Variants in KCNQ5 observed in about 807,000 individuals in gnomAD.
The protein encoded by KCNQ5 is potassium voltage-gated channel subfamily KQT member 5.
KCNQ5 carries 30 observed loss-of-function variants against 98.2 expected under a neutral mutation model. That is an observed-to-expected ratio of 0.31 (90% CI 0.23 to 0.41). KCNQ5 has a LOEUF of 0.41. KCNQ5 is among the 10% of genes least tolerant of loss of function. The pLI, the probability that KCNQ5 is intolerant of heterozygous loss-of-function variation, is 1.00. For missense variants in KCNQ5, 835 were observed against 1,182.5 expected, an observed-to-expected ratio of 0.71 and a Z score of 4.31; for synonymous variants, 458 against 449.4, an observed-to-expected ratio of 1.02 and a Z score of -0.24.
intron 1 of KCNQ5, among the ~76,000 whole-genome samples, chr6:72,705,232 G>T (rs1370641538): frequency 3.9e-5 from 6 of 152,164 alleles, no homozygotes; most frequent in African/African-American, 4.8e-5. Context: ...TAGTCTAGTT[G>T]TGAGAACTGA....
chr6:72,698,432 A>G (rs1423845810), intron 1 of KCNQ5, among the ~76,000 whole-genome samples: 2 of 151,892 alleles, frequency 1.3e-5, no homozygotes, highest in East Asian at 3.9e-4. Flanking sequence ...CGAACTCCCA[A>G]CCTCAGATGA....
rs80074927 is a variant in KCNQ5, at chr6:73,181,304, C to A, written c.1578-9269C>A. Among the ~76,000 whole-genome samples the A allele has an allele frequency of 9.2e-4, 140 of 152,340 alleles. No homozygotes were observed. In the East Asian group the frequency reaches 0.022, roughly 24 times the overall value. ...AACCAACAGCATCAAAGGAGACTAA[C>A]CTTAGAGGTCTTTTGCTCTTTGCTG... On this transcript the variant is annotated intron_variant, in intron 11 of 13. Transcript: ENST00000370398.
chr6:72,753,400 C>A lies in KCNQ5; in HGVS notation c.398+130813C>A, dbSNP rs553480193. ...GGTTTGGTGATTATGAATGAAATTT[C>A]TATAAACAGTCTCAGATAGGTCTTT... On this transcript the variant is annotated intron_variant, in intron 1 of 13. Transcript: ENST00000370398. Among the ~76,000 whole-genome samples, 23 of 152,164 alleles carry A rather than the reference C, an allele frequency of 1.5e-4. No homozygotes were observed. The East Asian group carries it at 4.4e-3, about 29-fold the overall frequency.
At chr6:72,770,918 T>C (rs1772837941) in intron 1 of KCNQ5, among the ~76,000 whole-genome samples, 1 of 152,152 alleles carries the variant, frequency 6.6e-6, no homozygotes, top group South Asian at 2.1e-4. Flanking sequence ...TGCTCACTAA[T>C]GTGTCAAGCT....
chr6:72,914,011 G>A (rs1467895040), intron 1 of KCNQ5, among the ~76,000 whole-genome samples: 5 of 152,196 alleles, frequency 3.3e-5, no homozygotes, highest in African/African-American at 4.8e-5. Context: ...TCCTCCAGGT[G>A]TAGGGAGGGC....
chr6:73,169,176 G>A (rs149558675), intron 10 of KCNQ5, among the ~76,000 whole-genome samples: 314 of 122,078 alleles, frequency 2.6e-3, no homozygotes, highest in African/African-American at 0.011. Context: ...ACGAAAAACT[G>A]ATTTTTTATC....
intron 1 of KCNQ5, among the ~76,000 whole-genome samples, chr6:72,894,306 T>A (rs1396919096): frequency 6.6e-6 from 1 of 152,186 alleles, no homozygotes; most frequent in African/African-American, 2.4e-5. Flanking sequence ...GAGCCATGAA[T>A]AACAGAATTA....
At chr6:73,083,540 G>A (rs1008224753) in intron 5 of KCNQ5, among the ~76,000 whole-genome samples, 1 of 152,090 alleles carries the variant, frequency 6.6e-6, no homozygotes, top group African/African-American at 2.4e-5. Flanking sequence ...CATTATGAGT[G>A]AGATTTATGC....
chr6:72,840,555 A>G (rs564544857), intron 1 of KCNQ5, among the ~76,000 whole-genome samples: 1 of 152,184 alleles, frequency 6.6e-6, no homozygotes, highest in East Asian at 1.9e-4. Context: ...CATACCAGTC[A>G]CTTACTCCAA....
intron 7 of KCNQ5, among the ~76,000 whole-genome samples, chr6:73,116,486 C>T (rs1430430244): frequency 2.6e-5 from 4 of 152,004 alleles, no homozygotes; most frequent in Non-Finnish European, 4.4e-5. Flanking sequence ...TGCAACATAG[C>T]GAGACCCCAC....
At chr6:72,925,179 C>G (rs1347554788) in intron 1 of KCNQ5, among the ~76,000 whole-genome samples, 1 of 151,962 alleles carries the variant, frequency 6.6e-6, no homozygotes, top group Non-Finnish European at 1.5e-5. Flanking sequence ...AATAAGTATA[C>G]CCAACATTCT....
chr6:72,922,301 GAAAT>G (rs1383176708), intron 1 of KCNQ5, among the ~76,000 whole-genome samples: 1 of 151,996 alleles, frequency 6.6e-6, no homozygotes, highest in Admixed American at 6.6e-5. Flanking sequence ...TTTCAATTGA[GAAAT>G]AATATTGTAT....
chr6:72,984,429 C>T (rs1258102016), intron 1 of KCNQ5, among the ~76,000 whole-genome samples: 2 of 152,208 alleles, frequency 1.3e-5, no homozygotes, highest in African/African-American at 2.4e-5. Flanking sequence ...GGATGCCCCT[C>T]CCGCAGCCAG....
chr6:72,870,482 A>G (rs993307589), intron 1 of KCNQ5, among the ~76,000 whole-genome samples: 3 of 151,966 alleles, frequency 2.0e-5, no homozygotes, highest in African/African-American at 7.2e-5. Context: ...GACTCCTGGG[A>G]TCAAATGATC....
intron 10 of KCNQ5, among the ~76,000 whole-genome samples, chr6:73,146,763 T>C (rs936777313): frequency 3.3e-5 from 5 of 152,132 alleles, no homozygotes; most frequent in East Asian, 1.9e-4. Flanking sequence ...CTGAATGTGA[T>C]TGACCACTTG....
chr6:73,113,485 A>G (rs1775344883), intron 7 of KCNQ5, among the ~76,000 whole-genome samples: 1 of 152,228 alleles, frequency 6.6e-6, no homozygotes, highest in Admixed American at 6.5e-5. Flanking sequence ...GTAGCTTTTT[A>G]CATTTAAATT....
intron 1 of KCNQ5, among the ~76,000 whole-genome samples, chr6:72,983,092 C>T (rs1562109835): frequency 6.6e-6 from 1 of 152,178 alleles, no homozygotes; most frequent in Admixed American, 6.5e-5. Flanking sequence ...TTCTCTCTGG[C>T]TGCCCTTAAT....
intron 5 of KCNQ5, among the ~76,000 whole-genome samples, chr6:73,097,203 T>C (rs937071663): frequency 6.8e-6 from 1 of 146,522 alleles, no homozygotes; most frequent in Non-Finnish European, 1.5e-5. Context: ...TGAGGCTTTG[T>C]GTCCTTTGAC....
At chr6:72,759,708 TCCCTCCCAGAAGGAAAGCTACCTAA>T (rs1261253626) in intron 1 of KCNQ5, among the ~76,000 whole-genome samples, 1 of 151,738 alleles carries the variant, frequency 6.6e-6, no homozygotes, top group Non-Finnish European at 1.5e-5. Flanking sequence ...TAGAGATGGC[TCCCTCCCAGAAGGAAAGCTACCTAA>T]AATACCCTCA....
Sources: gnomAD v4.1 joint callset for allele counts (sites outside exome capture counted in the v4.1 genomes callset) on GRCh38, gnomAD v4.1.1 for gene constraint, MANE v1.5 for transcripts, NCBI Gene and HGNC (gene_info 2026-07-23, HGNC 2026-07-21) for gene names.